The following XYLT1 variants were observed in gnomAD, a reference collection of about 807,000 sequenced individuals.
The protein encoded by XYLT1 is xylosyltransferase 1.
XYLT1 carries 36 observed loss-of-function variants against 91.3 expected under a neutral mutation model. The ratio of observed to expected loss-of-function variants is 0.39; its 90% CI spans 0.30 to 0.52. XYLT1 has a LOEUF of 0.52. Among genes scored for constraint, XYLT1 ranks in the 20% least tolerant of loss-of-function variants. XYLT1 has a pLI of 0.68. For missense variants in XYLT1, 1,242 were observed against 1,284.5 expected (o/e 0.97, Z 0.51); for synonymous variants, 588 against 532.0 (o/e 1.11, Z -1.45).
At chr16:17,359,105 C>T (rs2035346618) in intron 1 of XYLT1, among the ~76,000 whole-genome samples, 1 of 152,114 alleles carries the variant, frequency 6.6e-6, no homozygotes, top group Non-Finnish European at 1.5e-5. Context: ...ACAGGAAACC[C>T]AGCACATGAA....
chr16:17,453,696 T>C (rs2036697991), intron 1 of XYLT1, among the ~76,000 whole-genome samples: 1 of 152,204 alleles, frequency 6.6e-6, no homozygotes, highest in Non-Finnish European at 1.5e-5. Flanking sequence ...CTAGAGATCT[T>C]ATTGGGGACA....
chr16:17,271,054 C>G (rs576574182), intron 2 of XYLT1, among the ~76,000 whole-genome samples: 28 of 152,098 alleles, frequency 1.8e-4, no homozygotes, highest in Non-Finnish European at 3.1e-4. Context: ...GGAGAGAGAG[C>G]AGAGCCTTCC....
At chr16:17,389,766 C>A (rs1486964778) in intron 1 of XYLT1, among the ~76,000 whole-genome samples, 2 of 152,216 alleles carry the variant, frequency 1.3e-5, no homozygotes, top group Admixed American at 6.5e-5. Flanking sequence ...GGCTTCAAGA[C>A]AGGATGGAGA....
At chr16:17,214,328 T>C (rs1005804770) in intron 3 of XYLT1, among the ~76,000 whole-genome samples, 1 of 152,236 alleles carries the variant, frequency 6.6e-6, no homozygotes, top group South Asian at 2.1e-4. Context: ...GGGCAAGCTA[T>C]ATAACCTCTC....
intron 2 of XYLT1, among the ~76,000 whole-genome samples, chr16:17,314,685 G>GAA (rs1296375033): frequency 1.3e-5 from 2 of 152,256 alleles, no homozygotes; most frequent in Non-Finnish European, 2.9e-5. Flanking sequence ...ACTAGTGAGA[G>GAA]AAAAATCAAT....
rs559192363 is a variant in XYLT1 at position 17,208,504 on chromosome 16, A to T, written c.914-7850T>A. On this transcript the variant is annotated intron_variant, in intron 3 of 11. Transcript: ENST00000261381. ...GGAAGGGACCCAAGCCTAAACACAA[A>T]ATCCATTTCTGTTTCATATACACTT... Among the ~76,000 whole-genome samples, 11 of 152,320 alleles carry T rather than the reference A, an allele frequency of 7.2e-5. No homozygotes were observed. In the East Asian group the frequency reaches 1.9e-3, roughly 27 times the overall value.
At chr16:17,301,473 T>C (rs1462871228) in intron 2 of XYLT1, among the ~76,000 whole-genome samples, 1 of 152,162 alleles carries the variant, frequency 6.6e-6, no homozygotes, top group Non-Finnish European at 1.5e-5. Flanking sequence ...CAACCCTATC[T>C]GATAAAATCT....
chr16:17,371,479 T>C (rs2035531160), intron 1 of XYLT1, among the ~76,000 whole-genome samples: 1 of 152,182 alleles, frequency 6.6e-6, no homozygotes. Context: ...GAGTTTGGGG[T>C]ATAAATGACA....
chr16:17,292,875 T>G (rs1284778666), intron 2 of XYLT1, among the ~76,000 whole-genome samples: 3 of 152,154 alleles, frequency 2.0e-5, no homozygotes, highest in African/African-American at 7.2e-5. Flanking sequence ...GATGAGACGT[T>G]CATCCACTTC....
intron 3 of XYLT1, among the ~76,000 whole-genome samples, chr16:17,253,133 T>C (rs2033568716): frequency 6.6e-6 from 1 of 152,216 alleles, no homozygotes; most frequent in Admixed American, 6.5e-5. Flanking sequence ...CTTAGCTTTC[T>C]GCAGAAGAAT....
chr16:17,342,723 A>C (rs1411505406), intron 2 of XYLT1, among the ~76,000 whole-genome samples: 5 of 151,998 alleles, frequency 3.3e-5, no homozygotes, highest in Non-Finnish European at 7.4e-5. Context: ...CCCTGTCTCA[A>C]AAAAAAACAC....
chr16:17,275,913 A>C (rs2033965608), intron 2 of XYLT1, among the ~76,000 whole-genome samples: 1 of 152,180 alleles, frequency 6.6e-6, no homozygotes, highest in African/African-American at 2.4e-5. Flanking sequence ...TCATTACCGC[A>C]GGGCCTCTAA....
intron 3 of XYLT1, among the ~76,000 whole-genome samples, chr16:17,206,495 T>A (rs1031130403): frequency 1.3e-5 from 2 of 152,096 alleles, no homozygotes; most frequent in Non-Finnish European, 2.9e-5. Context: ...CACGGGGGCC[T>A]GGGCAAGTCA....
intron 2 of XYLT1, among the ~76,000 whole-genome samples, chr16:17,273,327 C>T (rs528625480): frequency 2.0e-5 from 3 of 152,162 alleles, no homozygotes; most frequent in African/African-American, 4.8e-5. Context: ...ATCCATTCCC[C>T]GCCTGCATTT....
chr16:17,410,030 G>A (rs1315264550), intron 1 of XYLT1, among the ~76,000 whole-genome samples: 1 of 152,066 alleles, frequency 6.6e-6, no homozygotes, highest in Non-Finnish European at 1.5e-5. Context: ...CCAACCACAC[G>A]GACACTGACC....
rs561119865 is a variant in XYLT1 at position 17,141,206 on chromosome 16, C to T, written c.1534G>A (p.Asp512Asn). The change falls in exon 7 of 12, where the codon GAT becomes AAT. Residue 512 changes from aspartate to asparagine, a missense_variant. Physicochemically the swap from Asp to Asn is conservative, Grantham distance 23. This residue lies in a region of XYLT1 where 294 missense variants were observed against 376.0 expected (regional missense o/e 0.78). Transcript: ENST00000261381. Reference sequence around the variant, plus strand: ...AACTGTTTCATCTTGGTCACCAGATCGTCTGTGGAGAAGGTCACATATTCT... The same window carrying T: ...AACTGTTTCATCTTGGTCACCAGATTGTCTGTGGAGAAGGTCACATATTCT... ...FVEYVTFSTD[D>N]LVTKMKQFYS... is the part of the protein sequence containing the mutation. 49 of 1,614,102 alleles carry T rather than the reference C, an allele frequency of 3.0e-5. No individual in the cohort carries two copies. The highest frequency in any genetic ancestry group is 5.5e-5 in the South Asian group (5 of 91,090).
At chr16:17,253,884 AC>A (rs2033588163) in intron 3 of XYLT1, among the ~76,000 whole-genome samples, 1 of 150,716 alleles carries the variant, frequency 6.6e-6, no homozygotes, top group Non-Finnish European at 1.5e-5. Flanking sequence ...GTGGAAGAAC[AC>A]CTCTGGGGCT....
chr16:17,176,527 A>G (rs2031947920), intron 5 of XYLT1, among the ~76,000 whole-genome samples: 2 of 152,208 alleles, frequency 1.3e-5, no homozygotes, highest in South Asian at 4.1e-4. Flanking sequence ...CACACTTTCA[A>G]CCGCTTTGCT....
At chr16:17,135,025 G>A (rs1171155970) in intron 8 of XYLT1, among the ~76,000 whole-genome samples, 1 of 152,144 alleles carries the variant, frequency 6.6e-6, no homozygotes, top group Non-Finnish European at 1.5e-5. Context: ...ATTTTAGATG[G>A]TAATAGCTGG....
Sources: gnomAD v4.1 joint callset for allele counts (sites outside exome capture counted in the v4.1 genomes callset) on GRCh38, gnomAD v4.1.1 for gene constraint, gnomAD v4.1.1 regional missense constraint, MANE v1.5 for transcripts, NCBI Gene and HGNC (gene_info 2026-07-23, HGNC 2026-07-21) for gene names.